The following PDGFD variants were observed in gnomAD, a reference collection of about 807,000 sequenced individuals.
PDGFD encodes the protein platelet derived growth factor D.
A neutral mutation model predicts 44.7 loss-of-function variants in PDGFD; 30 were observed. That is an observed-to-expected ratio of 0.67 (90% confidence interval 0.50 to 0.91). PDGFD has a LOEUF of 0.91. Ranked by LOEUF, PDGFD falls within the 40% of genes least tolerant of loss-of-function variation. The probability of loss-of-function intolerance (pLI) is 0.00; values close to 1 mark genes in which losing one functional copy is unlikely to be tolerated. For synonymous variants in PDGFD, 173 were observed against 168.4 expected, an observed-to-expected ratio of 1.03 and a Z score of -0.21; for missense variants, 445 against 457.8, an observed-to-expected ratio of 0.97 and a Z score of 0.25.
chr11:103,921,708 T>C (rs1858224734), intron 6 of PDGFD, among the ~76,000 whole-genome samples: 1 of 151,644 alleles, frequency 6.6e-6, no homozygotes, highest in East Asian at 1.9e-4. Flanking sequence ...AAATGTTTAA[T>C]ACAAAATTCT....
At position 103,907,520 on chromosome 11, in the gene PDGFD, TA is replaced by T. The variant is rs1447894022; in HGVS notation, c.*2173del. ...TAACAGGTAACCAAGGGAGAAGTTTTAATAAAACTCTCAGGAAAGGCAAAGA... is the reference window on the plus strand; with the variant it reads ...TAACAGGTAACCAAGGGAGAAGTTTTATAAAACTCTCAGGAAAGGCAAAGA... On this transcript the variant is annotated 3_prime_UTR_variant, in exon 7 of 7. Coordinates refer to ENST00000393158, the MANE Select transcript of PDGFD (RefSeq NM_025208.5). 1 of 152,220 alleles carries T rather than the reference TA, an allele frequency of 6.6e-6. No individual in the cohort carries two copies. Among genetic ancestry groups the T allele is most frequent in the Non-Finnish European group, 1.5e-5 (1 of 68,040 alleles). The allele number at this position is 152,220 out of a possible 1,614,324, so 9.4% of individuals were successfully genotyped here.
At chr11:103,974,615 C>T (rs11226101) in intron 3 of PDGFD, among the ~76,000 whole-genome samples, 30,628 of 151,956 alleles carry the variant, frequency 0.2, 3,099 homozygotes, top group Non-Finnish European at 0.22. Context: ...TGTCCTAATG[C>T]TCTCCCTCCC....
chr11:104,105,090 C>G (rs924099281), intron 1 of PDGFD, among the ~76,000 whole-genome samples: 2 of 152,026 alleles, frequency 1.3e-5, no homozygotes, highest in South Asian at 4.2e-4. Context: ...TATAAGTAAC[C>G]CCATTAATGG....
At chr11:104,052,429 T>C (rs1860555007) in intron 1 of PDGFD, among the ~76,000 whole-genome samples, 3 of 152,200 alleles carry the variant, frequency 2.0e-5, no homozygotes, top group African/African-American at 7.2e-5. Flanking sequence ...ATGTTACTGT[T>C]AGCCTTTTCT....
chr11:103,938,667 C>A (rs1055818638), intron 5 of PDGFD, among the ~76,000 whole-genome samples: 1 of 152,174 alleles, frequency 6.6e-6, no homozygotes, highest in Non-Finnish European at 1.5e-5. Context: ...GGGTTTTCTT[C>A]TAGGGATTTT....
chr11:103,921,048 G>T (rs1427751489), intron 6 of PDGFD, among the ~76,000 whole-genome samples: 1 of 152,106 alleles, frequency 6.6e-6, no homozygotes, highest in Non-Finnish European at 1.5e-5. Flanking sequence ...TAAGTGGCTG[G>T]TCCTCAGTTG....
At chr11:103,999,013 G>A (rs1859579747) in intron 2 of PDGFD, among the ~76,000 whole-genome samples, 1 of 151,954 alleles carries the variant, frequency 6.6e-6, no homozygotes. Context: ...TGGAAAAGAC[G>A]CAAGATCAGC....
At chr11:104,026,991 T>A (rs552066691) in intron 1 of PDGFD, among the ~76,000 whole-genome samples, 27 of 152,356 alleles carry the variant, frequency 1.8e-4, no homozygotes, top group African/African-American at 6.3e-4. Context: ...ATTAATTAGA[T>A]GAACAGATTG....
At chr11:103,981,810 C>A (rs1859276841) in intron 3 of PDGFD, among the ~76,000 whole-genome samples, 2 of 151,644 alleles carry the variant, frequency 1.3e-5, no homozygotes, top group Non-Finnish European at 1.5e-5. Flanking sequence ...TATTAAGAAG[C>A]CCTAAGTCTT....
At chr11:104,027,431 G>C (rs1190217100) in intron 1 of PDGFD, among the ~76,000 whole-genome samples, 1 of 152,172 alleles carries the variant, frequency 6.6e-6, no homozygotes, top group East Asian at 1.9e-4. Flanking sequence ...CTTTGGTAGA[G>C]TGCTTTTCTA....
chr11:103,920,165 T>G (rs1043580845), intron 6 of PDGFD, among the ~76,000 whole-genome samples: 5 of 152,230 alleles, frequency 3.3e-5, no homozygotes. Context: ...GAAGTTAAGC[T>G]TGAAGGTGAC....
At chr11:103,931,842 A>G (rs951632380) in intron 5 of PDGFD, among the ~76,000 whole-genome samples, 4 of 152,202 alleles carry the variant, frequency 2.6e-5, no homozygotes, top group African/African-American at 4.8e-5. Flanking sequence ...TTATAATGCT[A>G]AAGTTCTTTA....
At chr11:104,123,990 G>A (rs1425244667) in intron 1 of PDGFD, among the ~76,000 whole-genome samples, 1 of 70,610 alleles carries the variant, frequency 1.4e-5, no homozygotes, top group Non-Finnish European at 2.7e-5. Flanking sequence ...ATTATTTTTG[G>A]TCATACTGAG....
rs140533498 is a variant in PDGFD at position 104,019,049 on chromosome 11, G to A, written c.125-18794C>T. On this transcript the variant is annotated intron_variant, in intron 1 of 6. Transcript: ENST00000393158. ...TGCTCACCCTCTATCTCCTCACCAG[G>A]AAAACTCTTCTTTTATTGGGCATCA... Among the ~76,000 whole-genome samples, 983 of 152,210 alleles carry A rather than the reference G, an allele frequency of 6.5e-3. 4 individuals carry two copies. The highest frequency in any genetic ancestry group is 0.022 in the African/African-American group (895 of 41,522).
chr11:103,932,662 G>A (rs1410335251), intron 5 of PDGFD, among the ~76,000 whole-genome samples: 1 of 152,160 alleles, frequency 6.6e-6, no homozygotes, highest in African/African-American at 2.4e-5. Context: ...TGACTTCAAC[G>A]ATTAGGAGCA....
At chr11:104,141,072 A>G (rs935226071) in intron 1 of PDGFD, among the ~76,000 whole-genome samples, 1 of 152,192 alleles carries the variant, frequency 6.6e-6, no homozygotes, top group African/African-American at 2.4e-5. Flanking sequence ...AACACAATTT[A>G]CGGTGCTCAC....
chr11:103,989,648 G>A (rs1163519594), intron 3 of PDGFD, among the ~76,000 whole-genome samples: 2 of 152,158 alleles, frequency 1.3e-5, no homozygotes, highest in Admixed American at 1.3e-4. Context: ...AAATGGTAAT[G>A]GGTGAGGGGA....
At chr11:103,920,106 C>T (rs1858190482) in intron 6 of PDGFD, among the ~76,000 whole-genome samples, 1 of 152,118 alleles carries the variant, frequency 6.6e-6, no homozygotes, top group East Asian at 1.9e-4. Context: ...AGACACAGTA[C>T]TCAGTTAAAA....
At chr11:104,102,729 C>T (rs948848441) in intron 1 of PDGFD, among the ~76,000 whole-genome samples, 3 of 152,092 alleles carry the variant, frequency 2.0e-5, no homozygotes, top group Non-Finnish European at 2.9e-5. Flanking sequence ...ACATATACGC[C>T]GTGGAATACT....
Sources: allele counts gnomAD v4.1 joint callset (sites outside exome capture counted in the v4.1 genomes callset), GRCh38; gene constraint gnomAD v4.1.1; transcripts MANE v1.5; gene names NCBI Gene and HGNC (gene_info 2026-07-23, HGNC 2026-07-21).